CCDC148: variants seen among roughly 807,000 people sequenced by gnomAD.
CCDC148 encodes coiled-coil domain containing 148.
A neutral mutation model predicts 85.7 loss-of-function variants in CCDC148; 89 were observed. The observed-to-expected ratio is 1.04, with a 90% confidence interval of 0.87 to 1.24. CCDC148 has a LOEUF of 1.24. Ranked by LOEUF, CCDC148 falls within the 50% of genes most tolerant of loss-of-function variation. CCDC148 has a pLI of 0.00. For missense variants in CCDC148, 692 were observed against 671.7 expected, an observed-to-expected ratio of 1.03 and a Z score of -0.33; for synonymous variants, 230 against 213.9, an observed-to-expected ratio of 1.08 and a Z score of -0.66.
chr2:158,312,707 T>C (rs1360898501), intron 8 of CCDC148, among the ~76,000 whole-genome samples: 1 of 150,882 alleles, frequency 6.6e-6, no homozygotes, highest in African/African-American at 2.4e-5. Flanking sequence ...CTAGAATCAA[T>C]AGGGAACAAA....
At chr2:158,191,213 A>G (rs757922665) in intron 11 of CCDC148, among the ~76,000 whole-genome samples, 28 of 152,044 alleles carry the variant, frequency 1.8e-4, no homozygotes, top group Non-Finnish European at 3.1e-4. Context: ...ATTTAAGTAA[A>G]TAAGATTAAT....
At chr2:158,374,429 G>T (rs1684573435) in intron 1 of CCDC148, among the ~76,000 whole-genome samples, 1 of 151,830 alleles carries the variant, frequency 6.6e-6, no homozygotes, top group African/African-American at 2.4e-5. Context: ...ATTATTGAGT[G>T]AAAAAAGCAA....
intron 11 of CCDC148, among the ~76,000 whole-genome samples, chr2:158,180,616 G>C (rs972605187): frequency 6.6e-6 from 1 of 152,122 alleles, no homozygotes; most frequent in African/African-American, 2.4e-5. Flanking sequence ...GAGGGGAAGA[G>C]CTCAGGGTGG....
intron 9 of CCDC148, among the ~76,000 whole-genome samples, chr2:158,294,897 C>T (rs557706201): frequency 3.3e-5 from 5 of 151,288 alleles, no homozygotes; most frequent in African/African-American, 1.2e-4. Context: ...CCCGCTAGCA[C>T]TGTATGAGAA....
intron 9 of CCDC148, among the ~76,000 whole-genome samples, chr2:158,265,759 G>A (rs1309191835): frequency 6.6e-6 from 1 of 152,100 alleles, no homozygotes; most frequent in Non-Finnish European, 1.5e-5. Context: ...TCAGCTCTCT[G>A]TTGGGTAGCC....
intron 1 of CCDC148, among the ~76,000 whole-genome samples, chr2:158,359,558 C>A (rs1324621805): frequency 6.6e-6 from 1 of 152,112 alleles, no homozygotes; most frequent in Non-Finnish European, 1.5e-5. Flanking sequence ...GGGGTGTCAC[C>A]TCACCCAGGA....
intron 11 of CCDC148, among the ~76,000 whole-genome samples, chr2:158,202,195 T>C (rs1356857230): frequency 6.6e-6 from 1 of 152,202 alleles, no homozygotes; most frequent in African/African-American, 2.4e-5. Flanking sequence ...TTTTTTAAAG[T>C]GTTCCATACA....
At chr2:158,365,700 A>C (rs1251260019) in intron 1 of CCDC148, among the ~76,000 whole-genome samples, 1 of 152,150 alleles carries the variant, frequency 6.6e-6, no homozygotes, top group African/African-American at 2.4e-5. Context: ...AGAAATACCT[A>C]ATGTAGATGA....
chr2:158,249,048 C>A (rs1688683439), intron 10 of CCDC148, among the ~76,000 whole-genome samples: 1 of 152,084 alleles, frequency 6.6e-6, no homozygotes, highest in Non-Finnish European at 1.5e-5. Context: ...GTCCCTCCAT[C>A]CTCTCCTGTG....
Position 158,339,055 on chromosome 2 carries a change from C to T in CCDC148, c.517G>A (p.Val173Ile). ...TGCTCCAGCCTAAGTCTTTCAAAGA[C>T]AGTTTTCAATTGTTTCTTCACAAAG... ...VDFVKKQLKT[V>I]FERLRLEQQR... Residue 173 changes from valine (V) to isoleucine (I), a missense_variant, in exon 6 of 14, where the codon GTC (valine) becomes ATC (isoleucine). Transcript: ENST00000283233. 1 of 1,613,778 alleles carries T rather than the reference C, an allele frequency of 6.2e-7. No individual in the cohort carries two copies. Among genetic ancestry groups the T allele is most frequent in the South Asian group, 1.1e-5 (1 of 91,042 alleles).
At chr2:158,201,516 C>CGGG (rs1402255764) in intron 11 of CCDC148, among the ~76,000 whole-genome samples, 1 of 151,950 alleles carries the variant, frequency 6.6e-6, no homozygotes, top group Non-Finnish European at 1.5e-5. Flanking sequence ...CTCAAGTGAC[C>CGGG]GTCCCACCTC....
At chr2:158,366,197 T>C (rs1408046140) in intron 1 of CCDC148, 3 of 654,730 alleles carry the variant, frequency 4.6e-6, no homozygotes, top group Non-Finnish European at 7.2e-6. Flanking sequence ...ATGCTTTTAA[T>C]TTTATTAAAA....
At chr2:158,209,052 TA>T (rs925611273) in intron 11 of CCDC148, among the ~76,000 whole-genome samples, 6 of 151,802 alleles carry the variant, frequency 4.0e-5, no homozygotes, top group African/African-American at 1.4e-4. Context: ...TATTTATAAA[TA>T]AACATAAATA....
intron 1 of CCDC148, among the ~76,000 whole-genome samples, chr2:158,443,853 C>T (rs1421673911): frequency 1.3e-5 from 2 of 152,160 alleles, no homozygotes; most frequent in Non-Finnish European, 2.9e-5. Flanking sequence ...GCCAGCCACA[C>T]CTCCTGACTT....
chr2:158,450,451 C>T (rs1688360557), intron 1 of CCDC148, among the ~76,000 whole-genome samples: 1 of 152,122 alleles, frequency 6.6e-6, no homozygotes. Context: ...GTCTGACAAC[C>T]TTCTTTTACT....
intron 9 of CCDC148, among the ~76,000 whole-genome samples, chr2:158,259,544 T>C (rs1433405609): frequency 2.6e-5 from 4 of 152,004 alleles, no homozygotes; most frequent in African/African-American, 4.8e-5. Flanking sequence ...GACTTCAGTG[T>C]CACTTTGGTT....
At chr2:158,327,818 C>T (rs1692859545) in intron 7 of CCDC148, among the ~76,000 whole-genome samples, 1 of 152,088 alleles carries the variant, frequency 6.6e-6, no homozygotes, top group African/African-American at 2.4e-5. Flanking sequence ...CCTTCAGCAA[C>T]ATTTGAAATT....
At chr2:158,357,298 A>T (rs1367484562) in intron 2 of CCDC148, among the ~76,000 whole-genome samples, 1 of 152,106 alleles carries the variant, frequency 6.6e-6, no homozygotes. Flanking sequence ...AACAAAAAAA[A>T]AGGTAAGGGC....
intron 9 of CCDC148, among the ~76,000 whole-genome samples, chr2:158,262,912 G>T (rs1210047043): frequency 6.6e-6 from 1 of 151,958 alleles, no homozygotes; most frequent in Non-Finnish European, 1.5e-5. Context: ...ACTCGGATTG[G>T]CAATCATATA....
Sources: gnomAD v4.1 joint callset for allele counts (sites outside exome capture counted in the v4.1 genomes callset) on GRCh38, gnomAD v4.1.1 for gene constraint, MANE v1.5 for transcripts, NCBI Gene and HGNC (gene_info 2026-07-23, HGNC 2026-07-21) for gene names.